Variants in SDK1 observed in about 807,000 individuals in gnomAD.
The protein encoded by SDK1 is sidekick cell adhesion molecule 1.
Under a neutral mutation model 245.5 loss-of-function variants are expected in SDK1, and 157 were observed. That is an observed-to-expected ratio of 0.64 (90% CI 0.56 to 0.73). The LOEUF is 0.73. Ranked by LOEUF, SDK1 falls within the 30% of genes least tolerant of loss-of-function variation. The probability of loss-of-function intolerance (pLI) is 0.00; values close to 1 mark genes in which losing one functional copy is unlikely to be tolerated. For synonymous variants in SDK1, 1,647 were observed against 1,278.5 expected, an observed-to-expected ratio of 1.29 and a Z score of -6.15; for missense variants, 3,583 against 3,002.3, an observed-to-expected ratio of 1.19 and a Z score of -4.52.
chr7:3,375,956 A>C (rs892176863), intron 1 of SDK1, among the ~76,000 whole-genome samples: 3 of 152,222 alleles, frequency 2.0e-5, no homozygotes, highest in Non-Finnish European at 4.4e-5. Flanking sequence ...GATCAGATGG[A>C]TTATTCAGTC....
At position 4,088,687 on chromosome 7, in the gene SDK1, C is replaced by T. The variant is rs184332861; in HGVS notation, c.3324+9103C>T. Among the ~76,000 whole-genome samples the T allele has an allele frequency of 3.9e-5, 6 of 152,138 alleles. No homozygotes were observed. In the East Asian group the frequency reaches 7.7e-4, roughly 20 times the overall value. ...ACACTGCCCTTCTGTTTCACTATTCCGGAGCTCCTGAGACAGAAGCAATTT... is the reference window on the plus strand; with the variant it reads ...ACACTGCCCTTCTGTTTCACTATTCTGGAGCTCCTGAGACAGAAGCAATTT... On this transcript the variant is annotated intron_variant, in intron 22 of 44. Transcript: ENST00000404826.
At chr7:3,577,783 T>A (rs1315444678) in intron 1 of SDK1, among the ~76,000 whole-genome samples, 1 of 152,016 alleles carries the variant, frequency 6.6e-6, no homozygotes, top group African/African-American at 2.4e-5. Flanking sequence ...TGTATGGTCA[T>A]ATTGTCCCCC....
At chr7:3,890,739 C>T (rs1353326305) in intron 5 of SDK1, among the ~76,000 whole-genome samples, 3 of 151,534 alleles carry the variant, frequency 2.0e-5, no homozygotes, top group South Asian at 2.1e-4. Flanking sequence ...GTCAGGAGTT[C>T]GAGACGAGCC....
At chr7:4,090,844 T>A (rs1781743409) in intron 22 of SDK1, among the ~76,000 whole-genome samples, 1 of 152,162 alleles carries the variant, frequency 6.6e-6, no homozygotes. Context: ...AAAGCATTAT[T>A]TCACACTATC....
chr7:3,985,844 A>G (rs967057237), intron 13 of SDK1, among the ~76,000 whole-genome samples: 1 of 152,216 alleles, frequency 6.6e-6, no homozygotes, highest in African/African-American at 2.4e-5. Context: ...ACAGCTTAAT[A>G]AATTTCAAAA....
At chr7:3,414,283 G>A (rs1562472566) in intron 1 of SDK1, among the ~76,000 whole-genome samples, 1 of 152,054 alleles carries the variant, frequency 6.6e-6, no homozygotes, top group Non-Finnish European at 1.5e-5. Flanking sequence ...TTTCTGAGAC[G>A]AGTGGCCTGG....
chr7:3,667,171 G>A (rs1783560230), intron 4 of SDK1, among the ~76,000 whole-genome samples: 1 of 152,116 alleles, frequency 6.6e-6, no homozygotes, highest in East Asian at 1.9e-4. Context: ...CCTAACTGTA[G>A]CTAATTTTCA....
intron 1 of SDK1, among the ~76,000 whole-genome samples, chr7:3,435,164 AT>A (rs67660025): frequency 0.27 from 40,013 of 146,680 alleles, 6,496 homozygotes; most frequent in African/African-American, 0.51. Context: ...AAGTCTCTGT[AT>A]TTTTTTTTTT....
At chr7:3,488,503 ATAAT>A (rs1703476400) in intron 1 of SDK1, among the ~76,000 whole-genome samples, 1 of 152,120 alleles carries the variant, frequency 6.6e-6, no homozygotes, top group African/African-American at 2.4e-5. Flanking sequence ...TGTGATCCTT[ATAAT>A]TAATCTTCTT....
At chr7:3,487,517 A>G (rs1220800978) in intron 1 of SDK1, among the ~76,000 whole-genome samples, 5 of 152,032 alleles carry the variant, frequency 3.3e-5, no homozygotes, top group Non-Finnish European at 7.4e-5. Flanking sequence ...CAAGGTAAAC[A>G]GATCACCTGA....
intron 1 of SDK1, among the ~76,000 whole-genome samples, chr7:3,435,024 A>T (rs1016672994): frequency 1.3e-5 from 2 of 152,216 alleles, no homozygotes; most frequent in Non-Finnish European, 2.9e-5. Context: ...GATCCCATTA[A>T]TAAGATACAA....
chr7:4,099,897 G>A (rs539832917), intron 22 of SDK1, among the ~76,000 whole-genome samples: 67 of 152,210 alleles, frequency 4.4e-4, no homozygotes, highest in African/African-American at 1.2e-3. Context: ...GGCATGTGCC[G>A]GAGTGTCCGG....
At chr7:3,303,619 C>T (rs1343884722) in intron 1 of SDK1, among the ~76,000 whole-genome samples, 1 of 152,098 alleles carries the variant, frequency 6.6e-6, no homozygotes, top group Non-Finnish European at 1.5e-5. Flanking sequence ...ACATTGGTAC[C>T]TGTTTTACAT....
chr7:3,726,321 G>T (rs145062140), intron 4 of SDK1, among the ~76,000 whole-genome samples: 1 of 152,212 alleles, frequency 6.6e-6, no homozygotes, highest in Non-Finnish European at 1.5e-5. Flanking sequence ...TGTGAAGAAC[G>T]AAGTTAGTGC....
At chr7:3,879,109 G>A (rs1231704195) in intron 5 of SDK1, among the ~76,000 whole-genome samples, 1 of 152,088 alleles carries the variant, frequency 6.6e-6, no homozygotes, top group East Asian at 1.9e-4. Flanking sequence ...CTTCTCTGGG[G>A]GACAATCTGT....
chr7:3,389,541 G>A (rs571742094), intron 1 of SDK1, among the ~76,000 whole-genome samples: 11 of 152,172 alleles, frequency 7.2e-5, no homozygotes, highest in Non-Finnish European at 1.3e-4. Context: ...CTCTAGGACT[G>A]TAAGATAATA....
intron 1 of SDK1, among the ~76,000 whole-genome samples, chr7:3,400,677 T>C (rs748964266): frequency 2.0e-4 from 30 of 152,116 alleles, no homozygotes; most frequent in Non-Finnish European, 3.8e-4. Flanking sequence ...TACCTAGAAA[T>C]ATATGTGTCA....
At chr7:3,838,537 C>A (rs940359755) in intron 5 of SDK1, among the ~76,000 whole-genome samples, 1 of 152,226 alleles carries the variant, frequency 6.6e-6, no homozygotes, top group Non-Finnish European at 1.5e-5. Context: ...TGCAGCTCAC[C>A]TGCTACTGTA....
intron 4 of SDK1, among the ~76,000 whole-genome samples, chr7:3,779,898 G>T (rs546529257): frequency 6.8e-6 from 1 of 146,142 alleles, no homozygotes; most frequent in South Asian, 2.2e-4. Flanking sequence ...CACCACTGCA[G>T]TCCGCAGTCC....
Sources: allele counts gnomAD v4.1 joint callset (sites outside exome capture counted in the v4.1 genomes callset), GRCh38; gene constraint gnomAD v4.1.1; transcripts MANE v1.5; gene names NCBI Gene and HGNC (gene_info 2026-07-23, HGNC 2026-07-21).